The following SLC36A3 variants were observed in gnomAD, a reference collection of about 807,000 sequenced individuals.
The protein encoded by SLC36A3 is solute carrier family 36 member 3, also known as proton-coupled amino acid transporter 3.
In SLC36A3, 35 loss-of-function variants were observed where a neutral mutation model predicts 44.3. The ratio of observed to expected loss-of-function variants is 0.79; its 90% CI spans 0.60 to 1.05. The LOEUF (loss-of-function observed/expected upper bound fraction) is 1.05, where lower values mean the gene tolerates loss of function less well. SLC36A3 is among the 50% of genes least tolerant of loss of function. The pLI, the probability that SLC36A3 is intolerant of heterozygous loss-of-function variation, is 0.00. For missense variants in SLC36A3, 540 were observed against 578.7 expected (o/e 0.93, Z 0.69); for synonymous variants, 211 against 227.6 (o/e 0.93, Z 0.66).
intron 4 of SLC36A3, among the ~76,000 whole-genome samples, chr5:151,290,321 A>G (rs1237137046): frequency 6.6e-6 from 1 of 152,200 alleles, no homozygotes; most frequent in African/African-American, 2.4e-5. Context: ...ATATCATCCT[A>G]TTGAGTCAGA....
In SLC36A3 at chr5:151,303,161, A is replaced by G. The variant is rs766061973; in HGVS notation, c.128+66T>C. 2.1e-4 allele frequency: 328 copies of G among 1,546,848 alleles called. 4 individuals are homozygous for G. The Middle Eastern group carries it at 2.5e-3, about 12-fold the overall frequency. On this transcript the variant is annotated intron_variant, in intron 1 of 9. Coordinates refer to ENST00000335230, the MANE Select transcript of SLC36A3 (RefSeq NM_181774.4). The stretch of plus-strand genomic sequence containing the variant: ...GTTAAGGAGATAGATGAAGGAAGAC[A>G]TAGTCCAGAGTTGCAAAAACAGCAG...
intron 1 of SLC36A3, among the ~76,000 whole-genome samples, chr5:151,299,383 ATATATATATAT>A (rs1374314180): frequency 1.4e-5 from 2 of 145,516 alleles, no homozygotes; most frequent in African/African-American, 5.0e-5. Context: ...ATATATATAT[ATATATATATAT>A]TATATATATA....
At chr5:151,292,543 AG>A (rs1343508225) in intron 4 of SLC36A3, among the ~76,000 whole-genome samples, 1 of 152,224 alleles carries the variant, frequency 6.6e-6, no homozygotes, top group Non-Finnish European at 1.5e-5. Context: ...GGCTGTTGAG[AG>A]GAACAGAGGA....
chr5:151,285,855 C>T (rs561211585), intron 6 of SLC36A3, among the ~76,000 whole-genome samples: 58 of 152,196 alleles, frequency 3.8e-4, no homozygotes, highest in Non-Finnish European at 6.9e-4. Flanking sequence ...CAGACAGCCT[C>T]TACAAAGCTG....
chr5:151,302,721 C>A (rs1335698363), intron 1 of SLC36A3, among the ~76,000 whole-genome samples: 1 of 151,650 alleles, frequency 6.6e-6, no homozygotes, highest in East Asian at 1.9e-4. Flanking sequence ...GTACATGTAT[C>A]CTGGAACTTA....
At chr5:151,280,945 G>T (rs1419099711) in intron 9 of SLC36A3, 69 bp downstream of exon 9, 2 of 1,586,602 alleles carry the variant, frequency 1.3e-6, no homozygotes, top group Non-Finnish European at 1.7e-6. Context: ...ATCCAATGAT[G>T]GTGGGGTGGG....
chr5:151,284,129 G>A lies in SLC36A3; in HGVS notation c.889C>T (p.Leu297Phe). Reference sequence around the variant, plus strand: ...CCCAGTGTCCCCAGTAAGATATAGAGGATGATGACAATGGACATCCCCAAG... The same window carrying A: ...CCCAGTGTCCCCAGTAAGATATAGAAGATGATGACAATGGACATCCCCAAG... The part of the protein sequence containing the change: ...LYLGMSIVII[L>F]YILLGTLGYM... The change falls in exon 8 of 10, where the codon CTC becomes TTC. Residue 297 changes from leucine to phenylalanine, a missense_variant. By Grantham distance (22) the Leu-to-Phe change is conservative. Transcript: ENST00000335230. 6.2e-7 allele frequency: 1 copy of A among 1,614,066 alleles called. No homozygotes were observed. The highest frequency in any genetic ancestry group is 8.5e-7 in the Non-Finnish European group (1 of 1,180,010).
In SLC36A3 at chr5:151,296,171, G is replaced by A. The variant is rs77266800; in HGVS notation, c.308+9C>T. ...CAGTGCTGGAATGAGAGAGAAGCAG[G>A]CCTCTGACCTCTGGCTGAGGTGTTG... On this transcript the variant is annotated intron_variant, in intron 3 of 9. Coordinates refer to ENST00000335230, the MANE Select transcript of SLC36A3 (RefSeq NM_181774.4). 1,981 of 1,613,850 alleles carry A rather than the reference G, an allele frequency of 1.2e-3. 13 individuals are homozygous for A. In the African/African-American group the frequency reaches 0.024, roughly 19 times the overall value.
rs1337273173 is a variant in SLC36A3 at position 151,281,129 on chromosome 5, G to C, written c.1029C>G (p.Ala343=). 2.5e-6 allele frequency: 4 copies of C among 1,614,124 alleles called. No homozygotes were observed. Among genetic ancestry groups the C allele is most frequent in the Non-Finnish European group, 2.5e-6 (3 of 1,180,000 alleles). Residue 343 remains alanine, a synonymous_variant, in exon 9 of 10, where the codon GCC becomes GCG. Coordinates refer to ENST00000335230, the MANE Select transcript of SLC36A3 (RefSeq NM_181774.4). ...MYSIGIFFTY[A]LQFHVPAEII... is the part of the protein sequence containing the mutation. Reference sequence around the variant, plus strand: ...TCTCAGCTGGGACGTGGAACTGGAGGGCATAGGTGAAGAAGATGCCGATAG... The same window carrying C: ...TCTCAGCTGGGACGTGGAACTGGAGCGCATAGGTGAAGAAGATGCCGATAG...
chr5:151,284,026 G>C lies in SLC36A3; in HGVS notation c.974+18C>G. The C allele has an allele frequency of 6.3e-7, 1 of 1,599,684 alleles. No homozygotes were observed. Among genetic ancestry groups the C allele is most frequent in the Non-Finnish European group, 8.5e-7 (1 of 1,174,572 alleles). ...TCCAGTGTCTCTCCCTATCTCACCT[G>C]AGGTGGGCAGGACATACCAGCAATT... On this transcript the variant is annotated intron_variant, in intron 8 of 9. Coordinates refer to ENST00000335230, the MANE Select transcript of SLC36A3 (RefSeq NM_181774.4).
intron 6 of SLC36A3, among the ~76,000 whole-genome samples, chr5:151,286,629 A>AT (rs1754544513): frequency 6.6e-6 from 1 of 151,962 alleles, no homozygotes; most frequent in Admixed American, 6.6e-5. Flanking sequence ...AACTTGTATG[A>AT]TTTTTTATTG....
At position 151,299,676 on chromosome 5, in the gene SLC36A3, G is replaced by A. The variant is rs191652442; in HGVS notation, c.129-993C>T. On this transcript the variant is annotated intron_variant, in intron 1 of 9. Transcript: ENST00000335230. ...GCGTAAGCATTGAACCCAGAGATGG[G>A]AGCACTTAATTCTGAGTTCCAGCTC... is the stretch of plus-strand genomic sequence containing the variant. Among the ~76,000 whole-genome samples, 4 of 152,212 alleles carry A rather than the reference G, an allele frequency of 2.6e-5. No homozygotes were observed. The East Asian group carries it at 7.7e-4, about 29-fold the overall frequency.
chr5:151,283,937 G>A, intron 8 of SLC36A3, 107 bp downstream of exon 8: 1 of 1,378,120 alleles, frequency 7.3e-7, no homozygotes, highest in East Asian at 2.4e-5. Flanking sequence ...GTCACTTCCA[G>A]TGATGGATTA....
At chr5:151,301,414 G>T (rs1178610734) in intron 1 of SLC36A3, among the ~76,000 whole-genome samples, 1 of 152,018 alleles carries the variant, frequency 6.6e-6, no homozygotes, top group Non-Finnish European at 1.5e-5. Context: ...GAGTTATTTT[G>T]CAGACCCTGC....
At chr5:151,295,032 C>G (rs6890303) in intron 3 of SLC36A3, among the ~76,000 whole-genome samples, 9,811 of 151,116 alleles carry the variant, frequency 0.065, 1,017 homozygotes, top group African/African-American at 0.22. Context: ...TCTGCAACCT[C>G]TATATTAGAA....
chr5:151,277,232 G>A lies in SLC36A3; in HGVS notation c.*161C>T, dbSNP rs1481147196. On this transcript the variant is annotated 3_prime_UTR_variant, in exon 10 of 10. Transcript: ENST00000335230. ...AAACCAAAAGAGGTGTAGCCTGAGA[G>A]ACATCAGTGCTAACTTTTCTCATCT... 34 of 968,066 alleles carry A rather than the reference G, an allele frequency of 3.5e-5. 1 individual carries two copies. The Admixed American group carries it at 9.7e-4, about 28-fold the overall frequency. The allele number at this position is 968,066 out of a possible 1,614,324, so 60.0% of individuals were successfully genotyped here.
chr5:151,293,214 G>C lies in SLC36A3; in HGVS notation c.404+150C>G, dbSNP rs191557389. On this transcript the variant is annotated intron_variant, in intron 4 of 9. Coordinates refer to ENST00000335230, the MANE Select transcript of SLC36A3 (RefSeq NM_181774.4). ...AATGATTACCTTATGGGTACAGAGT[G>C]AGATGGGGGATGGGGTTATCGAGGT... 9 of 666,506 alleles carry C rather than the reference G, an allele frequency of 1.4e-5. No individual in the cohort carries two copies. In the Admixed American group the frequency reaches 2.8e-4, roughly 21 times the overall value. The allele number at this position is 666,506 out of a possible 1,614,324, so 41.3% of individuals were successfully genotyped here. A position where few individuals can be genotyped will look rare whatever the true frequency, so the allele number is the denominator to read the frequency against.
intron 9 of SLC36A3, among the ~76,000 whole-genome samples, chr5:151,279,529 T>C (rs1366601342): frequency 6.6e-6 from 1 of 152,208 alleles, no homozygotes; most frequent in Non-Finnish European, 1.5e-5. Context: ...TCAGCATATA[T>C]CAAAAGCAGG....
rs774317501 is a variant in SLC36A3, at chr5:151,293,348, C to T, written c.404+16G>A. ...ATGATTTTTGTTGTTACTACTACAACATCTGTGACTACTACCTTCCCCACA... is the reference window on the plus strand; with the variant it reads ...ATGATTTTTGTTGTTACTACTACAATATCTGTGACTACTACCTTCCCCACA... On this transcript the variant is annotated intron_variant, in intron 4 of 9. Transcript: ENST00000335230. 3.1e-6 allele frequency: 5 copies of T among 1,602,838 alleles called. No homozygotes were observed. The East Asian group carries it at 9.0e-5, about 29-fold the overall frequency.
Sources: allele counts gnomAD v4.1 joint callset (sites outside exome capture counted in the v4.1 genomes callset), GRCh38; gene constraint gnomAD v4.1.1; transcripts MANE v1.5; gene names NCBI Gene and HGNC (gene_info 2026-07-23, HGNC 2026-07-21).